KLRD1: variants seen among roughly 807,000 people sequenced by gnomAD.
The protein encoded by KLRD1 is killer cell lectin like receptor D1, also known as natural killer cells antigen CD94.
A neutral mutation model predicts 22.6 loss-of-function variants in KLRD1; 21 were observed. The ratio of observed to expected loss-of-function variants is 0.93; its 90% CI spans 0.66 to 1.34. The LOEUF (loss-of-function observed/expected upper bound fraction) is 1.34, where lower values mean the gene tolerates loss of function less well. Among genes scored for constraint, KLRD1 ranks in the 40% most tolerant of loss-of-function variants. KLRD1 has a pLI of 0.00. For missense variants in KLRD1, 183 were observed against 208.6 expected, an observed-to-expected ratio of 0.88 and a Z score of 0.76; for synonymous variants, 59 against 71.1, an observed-to-expected ratio of 0.83 and a Z score of 0.85.
chr12:10,323,818 G>GATAC lies in KLRD1; in HGVS notation c.*9028_*9031dup, dbSNP rs1950333225. ...AATAGTTTTTATACTCATCTATGTT[G>GATAC]ATACATGTATCAATAGTTAATTCCC... is the stretch of plus-strand genomic sequence containing the variant. On this transcript the variant is annotated 3_prime_UTR_variant, in exon 6 of 6. Coordinates refer to ENST00000336164, the MANE Select transcript of KLRD1 (RefSeq NM_002262.5). 6.9e-6 allele frequency: 1 copy of GATAC among 145,916 alleles called. No homozygotes were observed. Among genetic ancestry groups the GATAC allele is most frequent in the African/African-American group, 2.5e-5 (1 of 39,926 alleles). 9.0% of individuals were successfully genotyped at this position (145,916 alleles called of 1,614,324 possible). A position where few individuals can be genotyped will look rare whatever the true frequency, so the allele number is the denominator to read the frequency against.
chr12:10,319,975 C>T lies in KLRD1; in HGVS notation c.*5182C>T, dbSNP rs1172515891. ...CTGCCTCCTGGATTCAAGCAATTCT[C>T]CTGCCTCAGCCTCCTGAGCAGCTGG... On this transcript the variant is annotated 3_prime_UTR_variant, in exon 6 of 6. Transcript: ENST00000336164. 1.3e-5 allele frequency: 2 copies of T among 149,274 alleles called. No homozygotes were observed. Among genetic ancestry groups the T allele is most frequent in the Non-Finnish European group, 3.0e-5 (2 of 67,784 alleles). The allele number at this position is 149,274 out of a possible 1,614,324, so 9.2% of individuals were successfully genotyped here.
At chr12:10,274,902 T>A (rs910514889) in intron 1 of KLRD1, among the ~76,000 whole-genome samples, 11 of 152,164 alleles carry the variant, frequency 7.2e-5, no homozygotes, top group Non-Finnish European at 1.6e-4. Context: ...TATCTTTTTC[T>A]TTTTTGGAGA....
intron 1 of KLRD1, among the ~76,000 whole-genome samples, chr12:10,290,963 T>C (rs1047872370): frequency 1.3e-5 from 2 of 152,184 alleles, no homozygotes; most frequent in African/African-American, 4.8e-5. Context: ...ATGTAAAATA[T>C]AGGCATACCT....
chr12:10,290,758 C>T (rs554379260), intron 1 of KLRD1, among the ~76,000 whole-genome samples: 1 of 152,150 alleles, frequency 6.6e-6, no homozygotes, highest in East Asian at 1.9e-4. Flanking sequence ...CAAGTATTTT[C>T]TGGAATATAA....
chr12:10,251,876 G>T (rs1284149067), intron 1 of KLRD1, among the ~76,000 whole-genome samples: 1 of 152,146 alleles, frequency 6.6e-6, no homozygotes, highest in Non-Finnish European at 1.5e-5. Context: ...CAGCAATGGG[G>T]AGTGGTTGTA....
At chr12:10,267,393 T>C (rs1163531606) in intron 1 of KLRD1, among the ~76,000 whole-genome samples, 2 of 152,154 alleles carry the variant, frequency 1.3e-5, no homozygotes, top group African/African-American at 4.8e-5. Flanking sequence ...GCCATATACA[T>C]TATTAGGTAT....
At position 10,239,488 on chromosome 12, in the gene KLRD1, C is replaced by T. The variant is rs868705452; in HGVS notation, c.-101+13255C>T. 1.9e-3 allele frequency among the ~76,000 whole-genome samples: 217 copies of T among 114,154 alleles called. 9 individuals carry two copies. The highest frequency in any genetic ancestry group is 9.8e-3 in the East Asian group (32 of 3,252). The allele number at this position is 114,154 out of a possible 152,430, so 74.9% of individuals were successfully genotyped here. ...TTCCTTCCTTCCTTCCTTCCTTCTT[C>T]CTTCCTTCCTTCCTTCCCTCCTTCC... On this transcript the variant is annotated intron_variant, in intron 1 of 5. Coordinates refer to the KLRD1 transcript ENST00000544747.
chr12:10,277,556 T>C (rs2137650487), intron 1 of KLRD1, among the ~76,000 whole-genome samples: 1 of 152,252 alleles, frequency 6.6e-6, no homozygotes, highest in Non-Finnish European at 1.5e-5. Flanking sequence ...CTGCCATTGA[T>C]TGATTATGTT....
intron 1 of KLRD1, among the ~76,000 whole-genome samples, chr12:10,252,590 A>G (rs1054080700): frequency 4.6e-5 from 7 of 152,208 alleles, no homozygotes; most frequent in African/African-American, 1.7e-4. Context: ...TAAGATTTGA[A>G]TTCATGATTG....
intron 1 of KLRD1, among the ~76,000 whole-genome samples, chr12:10,239,518 CCTTT>C (rs55671846): frequency 0.11 from 6,280 of 58,594 alleles, 256 homozygotes; most frequent in Middle Eastern, 0.15. Flanking sequence ...CCTTCCCTCC[CCTTT>C]CTTTCTTTCT....
rs1949708356 is a variant in KLRD1 at position 10,286,689 on chromosome 12, T to TTA, written c.-100-21289_-100-21288insTA. Among the ~76,000 whole-genome samples the TTA allele has an allele frequency of 4.3e-5, 6 of 140,448 alleles. No homozygotes were observed. The South Asian group carries it at 8.7e-4, about 20-fold the overall frequency. The allele number at this position is 140,448 out of a possible 152,430, so 92.1% of individuals were successfully genotyped here. A position where few individuals can be genotyped will look rare whatever the true frequency, so the allele number is the denominator to read the frequency against. ...TTTTTTTTTTTTTTTTTTTTTTTTTTATAGAGACGGGATCTCACTTTGTTG... is the reference window on the plus strand; with the variant it reads ...TTTTTTTTTTTTTTTTTTTTTTTTTTTAATAGAGACGGGATCTCACTTTGTTG... On this transcript the variant is annotated intron_variant, in intron 1 of 5. Coordinates refer to the KLRD1 transcript ENST00000544747.
intron 5 of KLRD1, among the ~76,000 whole-genome samples, chr12:10,314,173 CA>C (rs959615803): frequency 1.0e-4 from 14 of 138,040 alleles, no homozygotes; most frequent in African/African-American, 3.8e-4. Flanking sequence ...AGAGGCAGTC[CA>C]AAAAAATAGT....
chr12:10,260,815 AC>A (rs1454907098), intron 1 of KLRD1, among the ~76,000 whole-genome samples: 1 of 151,994 alleles, frequency 6.6e-6, no homozygotes, highest in Non-Finnish European at 1.5e-5. Context: ...GGTGGTGGGC[AC>A]CTGTAGTCCC....
At chr12:10,243,631 A>AAAAAAAAAAAAAAAAAAAAACAAAAAAG (rs771543645) in intron 1 of KLRD1, among the ~76,000 whole-genome samples, 2 of 118,720 alleles carry the variant, frequency 1.7e-5, no homozygotes, top group East Asian at 3.3e-4. Flanking sequence ...AAAAAAAAAA[A>AAAAAAAAAAAAAAAAAAAAACAAAAAAG]AACCGAAATG....
intron 1 of KLRD1, among the ~76,000 whole-genome samples, chr12:10,276,834 T>G (rs1350574466): frequency 6.6e-6 from 1 of 152,152 alleles, no homozygotes; most frequent in African/African-American, 2.4e-5. Flanking sequence ...AAAGAGAAGA[T>G]GAAGTTTCTT....
At chr12:10,267,379 A>G (rs568214362) in intron 1 of KLRD1, among the ~76,000 whole-genome samples, 243 of 152,278 alleles carry the variant, frequency 1.6e-3, no homozygotes, top group South Asian at 8.3e-3. Context: ...TCTTTTCTAT[A>G]TATGCCATAT....
chr12:10,270,238 A>G (rs556767565), intron 1 of KLRD1, among the ~76,000 whole-genome samples: 1 of 152,348 alleles, frequency 6.6e-6, no homozygotes, highest in South Asian at 2.1e-4. Flanking sequence ...TTACTTGTAT[A>G]TAATTAAAAT....
At chr12:10,251,048 C>G (rs554722576) in intron 1 of KLRD1, among the ~76,000 whole-genome samples, 1 of 152,110 alleles carries the variant, frequency 6.6e-6, no homozygotes, top group Non-Finnish European at 1.5e-5. Context: ...CATATGTTGC[C>G]TCACTAGCAT....
At chr12:10,311,205 T>A (rs1950060182) in intron 3 of KLRD1, among the ~76,000 whole-genome samples, 1 of 152,154 alleles carries the variant, frequency 6.6e-6, no homozygotes, top group African/African-American at 2.4e-5. Context: ...TGTACTTATC[T>A]AAATCATCAC....
Sources: allele counts gnomAD v4.1 joint callset (sites outside exome capture counted in the v4.1 genomes callset), GRCh38; gene constraint gnomAD v4.1.1; transcripts MANE v1.5; gene names NCBI Gene and HGNC (gene_info 2026-07-23, HGNC 2026-07-21).